The following CRYBG2 variants were observed in gnomAD, a reference collection of about 807,000 sequenced individuals.
CRYBG2 encodes crystallin beta-gamma domain containing 2, also known as beta/gamma crystallin domain-containing protein 2.
Under a neutral mutation model 153.4 loss-of-function variants are expected in CRYBG2, and 106 were observed. The ratio of observed to expected loss-of-function variants is 0.69; its 90% CI spans 0.59 to 0.81. The LOEUF (loss-of-function observed/expected upper bound fraction) is 0.81. Ranked by LOEUF, CRYBG2 falls within the 30% of genes least tolerant of loss-of-function variation. The pLI is 0.00. For missense variants in CRYBG2, 1,996 were observed against 2,112.0 expected, an observed-to-expected ratio of 0.95 and a Z score of 1.08; for synonymous variants, 851 against 877.8, an observed-to-expected ratio of 0.97 and a Z score of 0.54.
chr1:26,328,748 C>G lies in CRYBG2; in HGVS notation c.4440G>C (p.Arg1480=). The change falls in exon 16 of 20, where the codon CGG becomes CGC. Residue 1480 remains arginine, a synonymous_variant. Coordinates refer to ENST00000308182, the MANE Select transcript of CRYBG2 (RefSeq NM_001039775.4). ...TCAGCACTCACATGCCCCCCTTGATCCGCACAGACAGCACATGGTTGTTGA... is the reference window on the plus strand; with the variant it reads ...TCAGCACTCACATGCCCCCCTTGATGCGCACAGACAGCACATGGTTGTTGA... ...EGFNNHVLSV[R]IKGGIWVLCE... is the part of the protein sequence containing the mutation. 1 of 1,613,844 alleles carries G rather than the reference C, an allele frequency of 6.2e-7. No homozygotes were observed.
Position 26,345,442 on chromosome 1 carries a change from G to A in CRYBG2, c.1216C>T (p.Pro406Ser). Reference protein sequence around the residue: ...PVDPPAATVLPMVRSEHVTVP... With the variant: ...PVDPPAATVLSMVRSEHVTVP... Reference sequence around the variant, plus strand: ...GTCACATGCTCGCTCCTCACCATGGGCAGGACGGTGGCAGCAGGGGGGTCC... The same window carrying A: ...GTCACATGCTCGCTCCTCACCATGGACAGGACGGTGGCAGCAGGGGGGTCC... The change falls in exon 2 of 20, where the codon CCC becomes TCC. Residue 406 changes from proline (P) to serine (S), a missense_variant. Transcript: ENST00000308182. The A allele has an allele frequency of 6.2e-7, 1 of 1,604,032 alleles. No individual in the cohort carries two copies.
In CRYBG2 at chr1:26,322,042, C is replaced by T. The variant is rs368406665; in HGVS notation, c.4912G>A (p.Asp1638Asn). Reference protein sequence around the residue: ...ILDVKGGRGYDRDHVVLWEPD... With the variant: ...ILDVKGGRGYNRDHVVLWEPD... ...TCCCATAGCACCACGTGGTCCCGGT[C>T]GTAGCCCCGGCCTCCTGGGGGTGGG... is the stretch of plus-strand genomic sequence containing the variant. Residue 1638 changes from aspartate to asparagine, a missense_variant, in exon 20 of 20, where the codon GAC becomes AAC. Asp to Asn is a conservative substitution (Grantham distance 23, BLOSUM62 1). Coordinates refer to ENST00000308182, the MANE Select transcript of CRYBG2 (RefSeq NM_001039775.4). 3.8e-5 allele frequency: 61 copies of T among 1,606,696 alleles called. No homozygotes were observed. The highest frequency in any genetic ancestry group is 5.0e-5 in the Non-Finnish European group (59 of 1,174,052).
intron 15 of CRYBG2, among the ~76,000 whole-genome samples, chr1:26,330,847 G>A (rs1277094727): frequency 6.6e-6 from 1 of 152,074 alleles, no homozygotes; most frequent in African/African-American, 2.4e-5. Flanking sequence ...CTGGTGGAAA[G>A]CCTTTTAAAC....
chr1:26,346,762 C>T lies in CRYBG2; in HGVS notation c.-55-50G>A, dbSNP rs1397812917. 7.8e-7 allele frequency: 1 copy of T among 1,281,126 alleles called. No individual in the cohort carries two copies. Among genetic ancestry groups the T allele is most frequent in the South Asian group, 1.6e-5 (1 of 62,072 alleles). 79.4% of individuals were successfully genotyped at this position (1,281,126 alleles called of 1,614,324 possible). Reference sequence around the variant, plus strand: ...GGTCAGAGGGTGGTGAGAGTGGCTTCCTAAAGTGCAGAATAACCACCCCTA... The same window carrying T: ...GGTCAGAGGGTGGTGAGAGTGGCTTTCTAAAGTGCAGAATAACCACCCCTA... On this transcript the variant is annotated intron_variant, in intron 1 of 19. Transcript: ENST00000308182. The surrounding 1 kb of genome is among the most constrained non-coding windows in gnomAD (Gnocchi z 4.9).
chr1:26,348,238 T>C (rs939515724), intron 1 of CRYBG2, among the ~76,000 whole-genome samples: 1 of 152,178 alleles, frequency 6.6e-6, no homozygotes, highest in African/African-American at 2.4e-5. Flanking sequence ...CAGGGGCAGG[T>C]CTGTGTGCAA....
chr1:26,333,139 T>C (rs141416554), intron 14 of CRYBG2, among the ~76,000 whole-genome samples: 1 of 150,830 alleles, frequency 6.6e-6, no homozygotes, highest in Non-Finnish European at 1.5e-5. Flanking sequence ...TGAATGTCTG[T>C]GTCCTCCCAA....
chr1:26,336,759 G>A lies in CRYBG2; in HGVS notation c.3912-27C>T. The A allele has an allele frequency of 6.3e-7, 1 of 1,575,152 alleles. No individual in the cohort carries two copies. The highest frequency in any genetic ancestry group is 1.2e-5 in the South Asian group (1 of 86,252). ...TGCAGGAAGGGCGGGGCGCGAGTCA[G>A]CTGGGACGGAGCCTGCACCTCTCCT... On this transcript the variant is annotated intron_variant, in intron 11 of 19. Coordinates refer to ENST00000308182, the MANE Select transcript of CRYBG2 (RefSeq NM_001039775.4). This position sits in a 1 kb window ranked among gnomAD's most constrained non-coding sequence, Gnocchi z 4.9.
At chr1:26,347,284 GTTTTT>G (rs1198055868) in intron 1 of CRYBG2, among the ~76,000 whole-genome samples, 2 of 73,876 alleles carry the variant, frequency 2.7e-5, no homozygotes, top group African/African-American at 1.1e-4. Context: ...CTCCCCCTGC[GTTTTT>G]TTTTTTTTTT....
chr1:26,336,879 G>A lies in CRYBG2; in HGVS notation c.3873C>T (p.His1291=), dbSNP rs370637960. ...CGTGGATGGCCTGTGTGCTGGGGCC[G>A]TGTTGCACCAGCTCCACATCCGGCA... ...KALPDVELVQ[H]GPSTQAIHVL... Residue 1291 remains histidine (H), a synonymous_variant, in exon 11 of 20, where the codon CAC becomes CAT. Transcript: ENST00000308182. The surrounding 1 kb of genome is among the most constrained non-coding windows in gnomAD (Gnocchi z 4.9). 6.2e-7 allele frequency: 1 copy of A among 1,608,658 alleles called. No individual in the cohort carries two copies. Among genetic ancestry groups the A allele is most frequent in the African/African-American group, 1.3e-5 (1 of 74,928 alleles).
Position 26,343,339 on chromosome 1 carries a change from T to A in CRYBG2, c.2914-46A>T. On this transcript the variant is annotated intron_variant, in intron 2 of 19. Coordinates refer to ENST00000308182, the MANE Select transcript of CRYBG2 (RefSeq NM_001039775.4). The surrounding 1 kb of genome is among the most constrained non-coding windows in gnomAD (Gnocchi z 4.1). ...AAAGAAGTCCTGTGGGGTCACCTCT[T>A]TTCTGCCTCCCCACAACCCGCCATT... is the stretch of plus-strand genomic sequence containing the variant. 8 of 1,543,582 alleles carry A rather than the reference T, an allele frequency of 5.2e-6. No individual in the cohort carries two copies. The highest frequency in any genetic ancestry group is 7.0e-6 in the Non-Finnish European group (8 of 1,141,056).
intron 17 of CRYBG2, among the ~76,000 whole-genome samples, chr1:26,324,516 A>T (rs2124690335): frequency 6.6e-6 from 1 of 150,426 alleles, no homozygotes; most frequent in South Asian, 2.1e-4. Context: ...ACACACACAC[A>T]CACACACACA....
rs777630652 is a variant in CRYBG2, at chr1:26,337,025, A to G, written c.3772-45T>C. 21 of 1,607,730 alleles carry G rather than the reference A, an allele frequency of 1.3e-5. No homozygotes were observed. The East Asian group carries it at 4.2e-4, about 32-fold the overall frequency. On this transcript the variant is annotated intron_variant, in intron 10 of 19. Coordinates refer to ENST00000308182, the MANE Select transcript of CRYBG2 (RefSeq NM_001039775.4). ...CAGGTCTCTCCCGCCCACAAACCGA[A>G]ACCCCTGGGAGTGCCCAGACCCCAG...
At position 26,328,822 on chromosome 1, in the gene CRYBG2, T is replaced by A; in HGVS notation, c.4366A>T (p.Lys1456Ter). The change falls in exon 16 of 20, where the codon AAG becomes TAG. Residue 1456 changes from lysine to a stop codon, truncating the protein, a stop_gained. Coordinates refer to ENST00000308182, the MANE Select transcript of CRYBG2 (RefSeq NM_001039775.4). LOFTEE classifies it high-confidence loss of function. ...FLYGLECFEG[K>*]EIELSREVRS... ...ACCTCCCTGCTGAGCTCGATCTCCT[T>A]CCCCTCGAAGCACTCGAGTCCATAC... 4 of 1,613,894 alleles carry A rather than the reference T, an allele frequency of 2.5e-6. No homozygotes were observed. The highest frequency in any genetic ancestry group is 3.4e-6 in the Non-Finnish European group (4 of 1,179,978).
chr1:26,348,856 T>TA (rs1163433663), intron 1 of CRYBG2, among the ~76,000 whole-genome samples: 2 of 141,662 alleles, frequency 1.4e-5, no homozygotes, highest in Non-Finnish European at 3.1e-5. Context: ...GCGCCCGGCC[T>TA]AAAAAAAGTT....
intron 1 of CRYBG2, among the ~76,000 whole-genome samples, chr1:26,351,682 C>T (rs932584629): frequency 6.6e-6 from 1 of 152,152 alleles, no homozygotes; most frequent in East Asian, 1.9e-4. Flanking sequence ...CAGCCCAACC[C>T]CTGGACAACA....
Position 26,345,510 on chromosome 1 carries a change from A to G in CRYBG2, c.1148T>C (p.Leu383Pro). ...TTTAGGGGGCAGAACAAGGGGAGTGAGCCGGGCCCCGGGGTGAGTGGGCAC... is the reference window on the plus strand; with the variant it reads ...TTTAGGGGGCAGAACAAGGGGAGTGGGCCGGGCCCCGGGGTGAGTGGGCAC... ...PVVPTHPGAR[L>P]TPLVLPPKKK... The change falls in exon 2 of 20, where the codon CTC becomes CCC. Residue 383 changes from leucine (L) to proline (P), a missense_variant. Transcript: ENST00000308182. 2 of 1,594,396 alleles carry G rather than the reference A, an allele frequency of 1.3e-6. No homozygotes were observed. The highest frequency in any genetic ancestry group is 1.7e-6 in the Non-Finnish European group (2 of 1,168,976).
At chr1:26,351,130 C>T (rs898362843) in intron 1 of CRYBG2, among the ~76,000 whole-genome samples, 5 of 152,086 alleles carry the variant, frequency 3.3e-5, no homozygotes, top group African/African-American at 1.2e-4. Flanking sequence ...GCCAGGGCTT[C>T]CTGAGAGCAG....
At position 26,336,591 on chromosome 1, in the gene CRYBG2, G is replaced by A. The variant is rs1219897746; in HGVS notation, c.4038+15C>T. 2.6e-6 allele frequency: 4 copies of A among 1,544,918 alleles called. No individual in the cohort carries two copies. The South Asian group carries it at 4.8e-5, about 18-fold the overall frequency. Reference sequence around the variant, plus strand: ...CGCCACCGGGGAGGCCCCGCCCCCCGCGGCCGGCACGCACCTGTAGGACCG... The same window carrying A: ...CGCCACCGGGGAGGCCCCGCCCCCCACGGCCGGCACGCACCTGTAGGACCG... On this transcript the variant is annotated intron_variant, in intron 12 of 19. Coordinates refer to ENST00000308182, the MANE Select transcript of CRYBG2 (RefSeq NM_001039775.4). The surrounding 1 kb of genome is among the most constrained non-coding windows in gnomAD (Gnocchi z 4.9).
chr1:26,337,005 C>G (rs866203655), intron 10 of CRYBG2, 25 bp from the exon 11 acceptor site: 2 of 1,612,024 alleles, frequency 1.2e-6, no homozygotes, highest in Non-Finnish European at 1.7e-6. Flanking sequence ...ACAGTCAGGT[C>G]TCTCCCGCCC....
Sources: allele counts gnomAD v4.1 joint callset (sites outside exome capture counted in the v4.1 genomes callset), GRCh38; gene constraint gnomAD v4.1.1; non-coding constraint Gnocchi (gnomAD v3.1); transcripts MANE v1.5; gene names NCBI Gene and HGNC (gene_info 2026-07-23, HGNC 2026-07-21).